The following HPS1 variants were observed in gnomAD, a reference collection of about 807,000 sequenced individuals.
The protein encoded by HPS1 is HPS1 biogenesis of lysosomal organelles complex 3 subunit 1, also known as BLOC-3 complex member HPS1.
In HPS1, 59 loss-of-function variants were observed where a neutral mutation model predicts 90.6. The observed-to-expected ratio is 0.65, with a 90% CI of 0.53 to 0.81. The LOEUF is 0.81. Among genes scored for constraint, HPS1 ranks in the 30% least tolerant of loss-of-function variants. The probability of loss-of-function intolerance (pLI) is 0.00; values close to 1 mark genes in which losing one functional copy is unlikely to be tolerated. For missense variants in HPS1, 849 were observed against 896.7 expected (o/e 0.95, Z 0.68); for synonymous variants, 388 against 384.4 (o/e 1.01, Z -0.11).
intron 10 of HPS1, 177 bp downstream of exon 10, chr10:98,429,396 C>T: frequency 6.5e-7 from 1 of 1,533,674 alleles, no homozygotes; most frequent in East Asian, 2.4e-5. Flanking sequence ...TGAGTTCAGG[C>T]TGGAGCTGGC....
At chr10:98,443,302 A>G in intron 2 of HPS1, 62 bp from the exon 3 acceptor site, 3 of 1,219,014 alleles carry the variant, frequency 2.5e-6, no homozygotes, top group Non-Finnish European at 3.7e-6. Flanking sequence ...GCTCAGTCTG[A>G]GTAACGAAGA....
rs867124199 is a variant in HPS1, at chr10:98,429,822, G to A, written c.836C>T (p.Thr279Met). 7.4e-6 allele frequency: 12 copies of A among 1,613,696 alleles called. No homozygotes were observed. Among genetic ancestry groups the A allele is most frequent in the Middle Eastern group, 3.3e-4 (2 of 6,062 alleles). Residue 279 changes from threonine to methionine, a missense_variant, in exon 9 of 20, where the codon ACG (threonine) becomes ATG (methionine). Thr to Met is a moderately conservative substitution (Grantham distance 81). Transcript: ENST00000361490. Reference protein sequence around the residue: ...PVQQAWSPHSTGPTGGSSAET... With the variant: ...PVQQAWSPHSMGPTGGSSAET... ...TGCAGAGCTCCCCCCAGTTGGGCCC[G>A]TGGAGTGAGGGCTCCAGGCCTGCTG...
chr10:98,424,024 T>C (rs1025907617), intron 14 of HPS1, 137 bp from the exon 15 acceptor site: 3 of 1,170,206 alleles, frequency 2.6e-6, no homozygotes, highest in Non-Finnish European at 3.7e-6. Context: ...CCCACTCTTG[T>C]ACCCAGGACA....
rs548139057 is a variant in HPS1 at position 98,424,702 on chromosome 10, C to T, written c.1336-328G>A. ...CACACAGGGCAGCGGCTGGGGTGTG[C>T]GGAGGAGGTGCTGCTGCAGAAGCTG... On this transcript the variant is annotated intron_variant, in intron 13 of 19. Coordinates refer to ENST00000361490, the MANE Select transcript of HPS1 (RefSeq NM_000195.5). 3.6e-3 allele frequency among the ~76,000 whole-genome samples: 541 copies of T among 151,368 alleles called. 7 individuals carry two copies. The highest frequency in any genetic ancestry group is 0.012 in the African/African-American group (501 of 41,364).
At chr10:98,436,225 A>G (rs1301991656) in intron 3 of HPS1, among the ~76,000 whole-genome samples, 2 of 152,152 alleles carry the variant, frequency 1.3e-5, no homozygotes, top group African/African-American at 4.8e-5. Context: ...ATAGCAAACA[A>G]CTGGAAAAAA....
intron 17 of HPS1, chr10:98,420,480 G>T (rs1844711301): frequency 2.8e-6 from 1 of 356,748 alleles, no homozygotes; most frequent in Non-Finnish European, 5.5e-6. Context: ...TTGGGAGGCT[G>T]AGGTAGGTGG....
rs749883025 is a variant in HPS1, at chr10:98,435,341, T to A, written c.329A>T (p.Tyr110Phe). Residue 110 changes from tyrosine to phenylalanine, a missense_variant, in exon 5 of 20, where the codon TAT (tyrosine) becomes TTT (phenylalanine). By Grantham distance (22) the Tyr-to-Phe change is conservative. Coordinates refer to ENST00000361490, the MANE Select transcript of HPS1 (RefSeq NM_000195.5). This position sits in a 1 kb window ranked among gnomAD's most constrained non-coding sequence, Gnocchi z 4.3. ...CACTTCAAACAGGTACTTGAGCACATACAGCTTCCGCCGCAGGTCCCCCTC... is the reference window on the plus strand; with the variant it reads ...CACTTCAAACAGGTACTTGAGCACAAACAGCTTCCGCCGCAGGTCCCCCTC... ...ESEGDLRRKL[Y>F]VLKYLFEVHF... The A allele has an allele frequency of 1.5e-5, 24 of 1,613,330 alleles. No individual in the cohort carries two copies. Among genetic ancestry groups the A allele is most frequent in the Non-Finnish European group, 1.9e-5 (23 of 1,179,946 alleles).
chr10:98,423,450 C>T, intron 16 of HPS1, 153 bp downstream of exon 16: 1 of 779,742 alleles, frequency 1.3e-6, no homozygotes, highest in Non-Finnish European at 2.3e-6. Context: ...GCCACTATGT[C>T]CCATTATTTT....
In HPS1 at chr10:98,435,250, G is replaced by A. The variant is rs199690656; in HGVS notation, c.398+22C>T. ...CGAGGGTGCTCGGCAAAGGACAGAG[G>A]GGACCAGCTTTGAAGACTCACTCCT... On this transcript the variant is annotated intron_variant, in intron 5 of 19. Transcript: ENST00000361490. This position sits in a 1 kb window ranked among gnomAD's most constrained non-coding sequence, Gnocchi z 4.3. 1.9e-4 allele frequency: 306 copies of A among 1,613,846 alleles called. 1 individual carries two copies. Among genetic ancestry groups the A allele is most frequent in the South Asian group, 1.9e-4 (17 of 91,062 alleles).
At chr10:98,441,456 A>C (rs571489309) in intron 3 of HPS1, among the ~76,000 whole-genome samples, 210 of 152,342 alleles carry the variant, frequency 1.4e-3, no homozygotes, top group Non-Finnish European at 2.2e-3. Flanking sequence ...AACTCTTTGT[A>C]AGTTGGGCAA....
At chr10:98,426,093 A>G (rs1845571086) in intron 11 of HPS1, 108 bp from the exon 12 acceptor site, 6 of 1,017,838 alleles carry the variant, frequency 5.9e-6, no homozygotes, top group Non-Finnish European at 8.9e-6. Flanking sequence ...GCTCCAAGAA[A>G]CTCCAGTTTT....
intron 17 of HPS1, among the ~76,000 whole-genome samples, chr10:98,421,335 C>G (rs2136112097): frequency 6.6e-6 from 1 of 152,210 alleles, no homozygotes; most frequent in East Asian, 1.9e-4. Flanking sequence ...AGATGGGGAC[C>G]CAGATGTATG....
At position 98,424,368 on chromosome 10, in the gene HPS1, AG is replaced by A. The variant is rs756433074; in HGVS notation, c.1341del (p.Trp448GlyfsTer27). The A allele has an allele frequency of 1.2e-6, 2 of 1,612,434 alleles. No individual in the cohort carries two copies. Among genetic ancestry groups the A allele is most frequent in the Non-Finnish European group, 1.7e-6 (2 of 1,179,280 alleles). On this transcript the variant is annotated frameshift_variant, in exon 14 of 20. Coordinates refer to ENST00000361490, the MANE Select transcript of HPS1 (RefSeq NM_000195.5). LOFTEE classifies it high-confidence loss of function. The part of the protein sequence containing the change: ...KNRGAQEIQS[T>X]WLEFKAKAFS... Reference sequence around the variant, plus strand: ...AAAGCCTTGGCCTTAAACTCCAGCCAGGTGCTCTGGAAGGAAGACAGGGGGC... The same window carrying A: ...AAAGCCTTGGCCTTAAACTCCAGCCAGTGCTCTGGAAGGAAGACAGGGGGC...
chr10:98,424,767 C>T (rs761597065), intron 13 of HPS1, among the ~76,000 whole-genome samples: 33 of 151,758 alleles, frequency 2.2e-4, no homozygotes, highest in Non-Finnish European at 3.4e-4. Flanking sequence ...ATGCAGGGGG[C>T]GGCCTCACGG....
In HPS1 at chr10:98,435,908, G is replaced by A; in HGVS notation, c.118-136C>T. The A allele has an allele frequency of 9.1e-7, 1 of 1,095,386 alleles. No individual in the cohort carries two copies. Among genetic ancestry groups the A allele is most frequent in the East Asian group, 2.5e-5 (1 of 40,622 alleles). 67.9% of individuals were successfully genotyped at this position (1,095,386 alleles called of 1,614,324 possible). A position where few individuals can be genotyped will look rare whatever the true frequency, so the allele number is the denominator to read the frequency against. ...TGGGAGGGTATCACTGTCCTGGTAG[G>A]GAGGGGAGCAAAAAGAGACTGTCCC... On this transcript the variant is annotated intron_variant, in intron 3 of 19. Coordinates refer to ENST00000361490, the MANE Select transcript of HPS1 (RefSeq NM_000195.5). This position sits in a 1 kb window ranked among gnomAD's most constrained non-coding sequence, Gnocchi z 4.3.
rs1189360223 is a variant in HPS1 at position 98,416,257 on chromosome 10, T to A, written c.*1307A>T. On this transcript the variant is annotated 3_prime_UTR_variant, in exon 20 of 20. Coordinates refer to ENST00000361490, the MANE Select transcript of HPS1 (RefSeq NM_000195.5). ...TATATAGAAAGATCAAGGGGACTGGTTAAACTAGACATATCACATCCAGCC... is the reference window on the plus strand; with the variant it reads ...TATATAGAAAGATCAAGGGGACTGGATAAACTAGACATATCACATCCAGCC... 1 of 152,326 alleles carries A rather than the reference T, an allele frequency of 6.6e-6. No homozygotes were observed. Among genetic ancestry groups the A allele is most frequent in the Admixed American group, 6.5e-5 (1 of 15,280 alleles). 9.4% of individuals were successfully genotyped at this position (152,326 alleles called of 1,614,324 possible).
chr10:98,436,624 T>C (rs1847368904), intron 3 of HPS1, among the ~76,000 whole-genome samples: 1 of 152,202 alleles, frequency 6.6e-6, no homozygotes, highest in Non-Finnish European at 1.5e-5. Flanking sequence ...AAAAAGGAAC[T>C]GGACAAGTTT....
intron 17 of HPS1, 60 bp from the exon 18 acceptor site, chr10:98,420,218 C>T: frequency 6.4e-6 from 8 of 1,258,750 alleles, no homozygotes; most frequent in Non-Finnish European, 9.3e-6. Context: ...GGGCAGCTCT[C>T]ACCTCCGAAG....
At chr10:98,432,037 TA>T (rs1463445541) in intron 6 of HPS1, among the ~76,000 whole-genome samples, 1 of 152,258 alleles carries the variant, frequency 6.6e-6, no homozygotes. Flanking sequence ...CACATGCAGC[TA>T]ATGACTATCA....
Sources: gnomAD v4.1 joint callset for allele counts (sites outside exome capture counted in the v4.1 genomes callset) on GRCh38, gnomAD v4.1.1 for gene constraint, Gnocchi (gnomAD v3.1) non-coding constraint, MANE v1.5 for transcripts, NCBI Gene and HGNC (gene_info 2026-07-23, HGNC 2026-07-21) for gene names.